NBDY: variants seen among roughly 807,000 people sequenced by gnomAD.
The protein encoded by NBDY is negative regulator of P-body association, also known as P-body dissociating protein.
chrX:56,810,300 G>T (rs1210474884), intron 2 of NBDY, among the ~76,000 whole-genome samples: 4 of 111,377 alleles, frequency 3.6e-5, no homozygotes, highest in Non-Finnish European at 5.6e-5. Context: ...GGCCTGCCTT[G>T]CTAGATTGGG....
Position 56,737,459 on chromosome X carries a change from T to C in NBDY, c.*166+5260T>C, listed in dbSNP as rs1314977547. The C allele has an allele frequency of 9.9e-6, 7 of 705,368 alleles. No homozygotes were observed. In the Admixed American group the frequency reaches 1.6e-4, roughly 16 times the overall value. The allele number at this position is 705,368 out of a possible 1,213,427, so 58.1% of individuals were successfully genotyped here. On this transcript the variant is annotated intron_variant, in intron 2 of 2. Transcript: ENST00000374922. ...TATGGCTTCTTTTATGTCTTCATCC[T>C]CATATATTGTATCATCTCTCATTAA...
intron 2 of NBDY, among the ~76,000 whole-genome samples, chrX:56,792,068 G>A (rs1360867612): frequency 9.2e-6 from 1 of 109,185 alleles, no homozygotes; most frequent in East Asian, 2.9e-4. Flanking sequence ...AGTGTTCTAG[G>A]AGACTGCTTC....
At chrX:56,751,470 T>C (rs2069585143) in intron 2 of NBDY, among the ~76,000 whole-genome samples, 1 of 112,304 alleles carries the variant, frequency 8.9e-6, no homozygotes, top group African/African-American at 3.2e-5. Context: ...TAAAAAGAAT[T>C]ACAATGCACA....
chrX:56,783,881 C>T (rs187667068), intron 2 of NBDY, among the ~76,000 whole-genome samples: 3 of 112,820 alleles, frequency 2.7e-5, no homozygotes, highest in Non-Finnish European at 5.6e-5. Context: ...AAAGAGCACC[C>T]ACCTCATCTA....
At chrX:56,804,991 G>A (rs1056726335) in intron 2 of NBDY, among the ~76,000 whole-genome samples, 1 of 112,120 alleles carries the variant, frequency 8.9e-6, no homozygotes, top group African/African-American at 3.2e-5. Flanking sequence ...CACTGGGAAC[G>A]TGCAGAGCTT....
At chrX:56,796,143 A>C (rs999044171) in intron 2 of NBDY, among the ~76,000 whole-genome samples, 1 of 111,543 alleles carries the variant, frequency 9.0e-6, no homozygotes, top group African/African-American at 3.3e-5. Context: ...TTGTTGGCAT[A>C]ATGTTCAGGA....
chrX:56,811,495 C>G (rs1195306433), intron 2 of NBDY, among the ~76,000 whole-genome samples: 1 of 112,090 alleles, frequency 8.9e-6, no homozygotes, highest in Non-Finnish European at 1.9e-5. Context: ...CCACAGTGGC[C>G]TTGCTGAGCT....
chrX:56,804,562 C>T (rs2069840087), intron 2 of NBDY, among the ~76,000 whole-genome samples: 1 of 112,629 alleles, frequency 8.9e-6, no homozygotes, highest in South Asian at 3.7e-4. Context: ...CCCAGCCATG[C>T]TCACTTTCGC....
chrX:56,801,353 CCTT>C (rs1390644945), intron 2 of NBDY, among the ~76,000 whole-genome samples: 1 of 109,546 alleles, frequency 9.1e-6, no homozygotes, highest in Non-Finnish European at 1.9e-5. Context: ...TTCTTCTACT[CCTT>C]CTCCTTCTCC....
chrX:56,734,788 T>C (rs776537305), intron 2 of NBDY, among the ~76,000 whole-genome samples: 12 of 112,212 alleles, frequency 1.1e-4, no homozygotes, highest in African/African-American at 3.9e-4. Context: ...ACTTTGATGA[T>C]ATTCAGTGTT....
intron 2 of NBDY, among the ~76,000 whole-genome samples, chrX:56,765,312 T>C (rs930656607): frequency 6.6e-4 from 74 of 112,353 alleles, no homozygotes; most frequent in African/African-American, 2.4e-3. Context: ...TTTCATCTTA[T>C]TCTTTTTTGG....
At chrX:56,791,071 T>C (rs1158035215) in intron 2 of NBDY, among the ~76,000 whole-genome samples, 1 of 112,368 alleles carries the variant, frequency 8.9e-6, no homozygotes, top group Non-Finnish European at 1.9e-5. Flanking sequence ...GCTGTCCACC[T>C]GAGGCACTCT....
At chrX:56,766,191 A>G (rs1163252778) in intron 2 of NBDY, among the ~76,000 whole-genome samples, 2 of 111,646 alleles carry the variant, frequency 1.8e-5, no homozygotes, top group Non-Finnish European at 3.8e-5. Context: ...GTTGTTTCCT[A>G]ACTCCTTTTT....
intron 2 of NBDY, among the ~76,000 whole-genome samples, chrX:56,805,435 A>G (rs2069844033): frequency 8.9e-6 from 1 of 112,351 alleles, no homozygotes; most frequent in Non-Finnish European, 1.9e-5. Flanking sequence ...GTGTAGGCCC[A>G]GGCACCTCCC....
At chrX:56,791,487 C>T (rs1475074698) in intron 2 of NBDY, among the ~76,000 whole-genome samples, 1 of 111,725 alleles carries the variant, frequency 9.0e-6, no homozygotes, top group Non-Finnish European at 1.9e-5. Context: ...TTGCAGTTGG[C>T]TGATGACATT....
chrX:56,790,350 T>G (rs1480038155), intron 2 of NBDY, among the ~76,000 whole-genome samples: 2 of 111,934 alleles, frequency 1.8e-5, no homozygotes, highest in Admixed American at 1.9e-4. Flanking sequence ...ATTCACCCCA[T>G]GGGTATTGAT....
chrX:56,786,942 T>C (rs1413781471), intron 2 of NBDY, among the ~76,000 whole-genome samples: 1 of 111,539 alleles, frequency 9.0e-6, no homozygotes, highest in Non-Finnish European at 1.9e-5. Context: ...AATGTCGTGG[T>C]GAATGAATGC....
intron 2 of NBDY, among the ~76,000 whole-genome samples, chrX:56,790,624 A>G (rs2069757311): frequency 8.9e-6 from 1 of 112,457 alleles, no homozygotes. Context: ...TTTAGGAGTG[A>G]CATGGCAACT....
At chrX:56,747,577 A>T in intron 2 of NBDY, among the ~76,000 whole-genome samples, 1 of 111,906 alleles carries the variant, frequency 8.9e-6, no homozygotes, top group Non-Finnish European at 1.9e-5. Context: ...ATAAACATGA[A>T]GACTTTGTGC....
Sources: allele counts gnomAD v4.1 joint callset (sites outside exome capture counted in the v4.1 genomes callset), GRCh38; gene constraint gnomAD v4.1.1; transcripts MANE v1.5; gene names NCBI Gene and HGNC (gene_info 2026-07-23, HGNC 2026-07-21).